Variants in PPT1 observed in about 807,000 individuals in gnomAD.
PPT1 encodes ceroid-palmitoyl-palmitoyl-protein thioesterase 1.
A neutral mutation model predicts 44.0 loss-of-function variants in PPT1; 24 were observed. That is an observed-to-expected ratio of 0.54 (90% confidence interval 0.39 to 0.77). The LOEUF (loss-of-function observed/expected upper bound fraction) is 0.77, where lower values mean the gene tolerates loss of function less well. PPT1 is among the 30% of genes least tolerant of loss of function. The probability of loss-of-function intolerance (pLI) is 0.00; values close to 1 mark genes in which losing one functional copy is unlikely to be tolerated. For synonymous variants in PPT1, 148 were observed against 140.2 expected (o/e 1.06, Z -0.39); for missense variants, 341 against 378.8 (o/e 0.90, Z 0.83).
intron 2 of PPT1, 61 bp from the exon 3 acceptor site, chr1:40,092,233 T>A (rs1036566882): frequency 1.2e-6 from 2 of 1,606,982 alleles, no homozygotes; most frequent in Non-Finnish European, 1.7e-6. Context: ...TGACATCTTC[T>A]CTAAGAGGTA....
intron 5 of PPT1, among the ~76,000 whole-genome samples, chr1:40,080,765 T>C (rs1366223208): frequency 6.6e-6 from 1 of 152,138 alleles, no homozygotes; most frequent in Non-Finnish European, 1.5e-5. Context: ...TCCTAGCTAC[T>C]TGGGAGGCTG....
chr1:40,089,346 G>A (rs1649430644), intron 5 of PPT1, 64 bp downstream of exon 5: 1 of 1,195,564 alleles, frequency 8.4e-7, no homozygotes, highest in Non-Finnish European at 1.2e-6. Context: ...CTGTGAGCAT[G>A]AAAGTCAGCA....
At chr1:40,075,445 G>C (rs1418273471) in intron 8 of PPT1, among the ~76,000 whole-genome samples, 1 of 149,822 alleles carries the variant, frequency 6.7e-6, no homozygotes, top group Admixed American at 6.6e-5. Context: ...AGTTTTCACA[G>C]TAAGGAAGTT....
chr1:40,091,284 T>G lies in PPT1; in HGVS notation c.433+45A>C, dbSNP rs770086909. ...GATTTTTTTTTAAATCAGGTGGTCA[T>G]GTGGGTTAGAATACAGAAAAAAGAA... On this transcript the variant is annotated intron_variant, in intron 4 of 8. Coordinates refer to ENST00000642050, the MANE Select transcript of PPT1 (RefSeq NM_000310.4). 8 of 1,562,320 alleles carry G rather than the reference T, an allele frequency of 5.1e-6. No individual in the cohort carries two copies. The African/African-American group carries it at 8.1e-5, about 16-fold the overall frequency.
chr1:40,091,865 CAAA>C (rs11308805), intron 3 of PPT1, among the ~76,000 whole-genome samples, 177 bp downstream of exon 3: 10 of 96,892 alleles, frequency 1.0e-4, no homozygotes, highest in Non-Finnish European at 8.9e-5. Context: ...AATTCTGTCT[CAAA>C]AAAAAAAAAA....
At chr1:40,087,621 A>C (rs1649333039) in intron 5 of PPT1, among the ~76,000 whole-genome samples, 1 of 152,090 alleles carries the variant, frequency 6.6e-6, no homozygotes, top group South Asian at 2.1e-4. Context: ...CTGATCGCCA[A>C]GGGTTGTTTT....
At chr1:40,091,211 A>C (rs1649543668) in intron 4 of PPT1, 118 bp downstream of exon 4, 1 of 1,063,224 alleles carries the variant, frequency 9.4e-7, no homozygotes, top group Non-Finnish European at 1.4e-6. Flanking sequence ...AGCTAGAGAA[A>C]CAGGATTTTG....
At chr1:40,087,305 C>T (rs900691175) in intron 5 of PPT1, among the ~76,000 whole-genome samples, 3 of 151,880 alleles carry the variant, frequency 2.0e-5, no homozygotes, top group African/African-American at 4.8e-5. Flanking sequence ...TGCAGTGGTG[C>T]GATCTCAGCT....
rs1648443076 is a variant in PPT1, at chr1:40,074,175, C to T, written c.807G>A (p.Leu269=). ...QETSLYTQDR[L]GLKEMDNAGQ... ...CTGCATTGTCCATTTCCTTTAGCCC[C>T]AGGCGGTCCTGCAGAAGGAAAGGCC... The change falls in exon 9 of 9, where the codon CTG becomes CTA. Residue 269 remains leucine (L), a synonymous_variant. Coordinates refer to ENST00000642050, the MANE Select transcript of PPT1 (RefSeq NM_000310.4). 6.2e-7 allele frequency: 1 copy of T among 1,614,012 alleles called. No homozygotes were observed. Among genetic ancestry groups the T allele is most frequent in the Non-Finnish European group, 8.5e-7 (1 of 1,180,018 alleles).
At chr1:40,089,650 G>A (rs907213278) in intron 4 of PPT1, 138 bp from the exon 5 acceptor site, 13 of 711,808 alleles carry the variant, frequency 1.8e-5, no homozygotes, top group African/African-American at 1.0e-4. Flanking sequence ...AAAATAAAGC[G>A]CAGAGAACTA....
chr1:40,077,434 A>T (rs909135661), intron 7 of PPT1, among the ~76,000 whole-genome samples: 1 of 152,274 alleles, frequency 6.6e-6, no homozygotes, highest in Non-Finnish European at 1.5e-5. Flanking sequence ...CTGAAATTTA[A>T]ATTTTACATA....
At chr1:40,096,893 G>A (rs1570475587) in intron 1 of PPT1, 1 of 750,688 alleles carries the variant, frequency 1.3e-6, no homozygotes, top group Non-Finnish European at 2.2e-6. Context: ...CTTCAACGCC[G>A]TGCGCGGCTC....
chr1:40,074,828 G>A (rs1041327712), intron 8 of PPT1, among the ~76,000 whole-genome samples: 9 of 152,152 alleles, frequency 5.9e-5, no homozygotes, highest in Admixed American at 5.2e-4. Context: ...CAGTGTTCTA[G>A]ATTCTGATTT....
intron 8 of PPT1, chr1:40,076,569 A>G: frequency 2.1e-6 from 2 of 973,684 alleles, no homozygotes; most frequent in Non-Finnish European, 2.4e-6. Flanking sequence ...TTTTATCAAA[A>G]GAAGGGAATC....
intron 5 of PPT1, among the ~76,000 whole-genome samples, chr1:40,080,864 ACT>A (rs1478420891): frequency 1.3e-5 from 2 of 151,930 alleles, no homozygotes; most frequent in Non-Finnish European, 2.9e-5. Context: ...ACAGAGTGAG[ACT>A]CTGTCTCAAA....
intron 8 of PPT1, chr1:40,075,376 A>G (rs903095760): frequency 3.3e-5 from 5 of 152,324 alleles, no homozygotes; most frequent in African/African-American, 1.2e-4. Context: ...TCTGGTTGGG[A>G]AGATAAGCAG....
At chr1:40,077,341 T>C (rs1030735655) in intron 7 of PPT1, among the ~76,000 whole-genome samples, 2 of 152,206 alleles carry the variant, frequency 1.3e-5, no homozygotes, top group African/African-American at 2.4e-5. Context: ...GCCATATGGT[T>C]GTAACTACTC....
At chr1:40,080,960 C>T (rs1648907131) in intron 5 of PPT1, among the ~76,000 whole-genome samples, 1 of 152,204 alleles carries the variant, frequency 6.6e-6, no homozygotes, top group African/African-American at 2.4e-5. Context: ...AGGAAACAGT[C>T]TGTCAACAAG....
chr1:40,093,986 A>C (rs1254166737), intron 1 of PPT1: 6 of 716,864 alleles, frequency 8.4e-6, no homozygotes, highest in Non-Finnish European at 1.6e-5. Flanking sequence ...TGAGGCCAAG[A>C]GTTCGAGACC....
Sources: gnomAD v4.1 joint callset for allele counts (sites outside exome capture counted in the v4.1 genomes callset) on GRCh38, gnomAD v4.1.1 for gene constraint, MANE v1.5 for transcripts, NCBI Gene and HGNC (gene_info 2026-07-23, HGNC 2026-07-21) for gene names.